Variants in SGSM1 observed in about 807,000 individuals in gnomAD.
SGSM1 encodes the protein RUN and TBC1 domain containing 2.
Under a neutral mutation model 133.8 loss-of-function variants are expected in SGSM1, and 73 were observed. The observed-to-expected ratio is 0.55, with a 90% CI of 0.45 to 0.66. SGSM1 has a LOEUF of 0.66. Among genes scored for constraint, SGSM1 ranks in the 30% least tolerant of loss-of-function variants. SGSM1 has a pLI of 0.00. For synonymous variants in SGSM1, 563 were observed against 573.0 expected (o/e 0.98, Z 0.25); for missense variants, 1,213 against 1,448.1 (o/e 0.84, Z 2.64).
rs1053827314 is a variant in SGSM1 at position 24,859,937 on chromosome 22, C to T, written c.926+97C>T. 2.6e-5 allele frequency: 39 copies of T among 1,512,550 alleles called. 1 individual carries two copies. The Admixed American group carries it at 6.8e-4, about 26-fold the overall frequency. 93.7% of individuals were successfully genotyped at this position (1,512,550 alleles called of 1,614,324 possible). A position where few individuals can be genotyped will look rare whatever the true frequency, so the allele number is the denominator to read the frequency against. On this transcript the variant is annotated intron_variant, in intron 9 of 24. Transcript: ENST00000400358. The stretch of plus-strand genomic sequence containing the variant: ...GGGGAGGGGAGGTTTGTATCCCGCC[C>T]CTGCTTCTGCCCCCTCCTCTGCCTG...
intron 18 of SGSM1, 60 bp downstream of exon 18, chr22:24,895,351 T>A: frequency 6.5e-7 from 1 of 1,541,680 alleles, no homozygotes. Flanking sequence ...CCTGGGGTCA[T>A]GGGGGTTGGG....
At chr22:24,826,520 G>T (rs898375302) in intron 2 of SGSM1, among the ~76,000 whole-genome samples, 1 of 152,138 alleles carries the variant, frequency 6.6e-6, no homozygotes, top group African/African-American at 2.4e-5. Context: ...TCCGATTATC[G>T]TCAGCATTTA....
In SGSM1 at chr22:24,858,436, G is replaced by A. The variant is rs148855508; in HGVS notation, c.802-1280G>A. Among the ~76,000 whole-genome samples the A allele has an allele frequency of 3.8e-3, 572 of 152,082 alleles. 2 individuals carry two copies. Among genetic ancestry groups the A allele is most frequent in the African/African-American group, 0.013 (532 of 41,496 alleles). ...TTGAGACTAGCCTGGCCAACATGGC[G>A]AAACCCTATCTCTACTAAAACCTTA... On this transcript the variant is annotated intron_variant, in intron 8 of 24. Coordinates refer to ENST00000400358, the MANE Select transcript of SGSM1 (RefSeq NM_001098497.3).
chr22:24,868,961 A>G, intron 12 of SGSM1, 106 bp downstream of exon 12: 1 of 1,480,338 alleles, frequency 6.8e-7, no homozygotes, highest in African/African-American at 1.4e-5. Context: ...TCTGGGGCTA[A>G]CAGGAGGATC....
At chr22:24,808,327 G>T (rs1406110757) in intron 2 of SGSM1, among the ~76,000 whole-genome samples, 1 of 152,040 alleles carries the variant, frequency 6.6e-6, no homozygotes, top group African/African-American at 2.4e-5. Flanking sequence ...ACGTTAGCCA[G>T]GATGGTCTCG....
Position 24,917,647 on chromosome 22 carries a change from T to C in SGSM1, c.2929-11T>C, listed in dbSNP as rs746249589. The C allele has an allele frequency of 1.9e-6, 3 of 1,611,046 alleles. No homozygotes were observed. In the Admixed American group the frequency reaches 5.0e-5, roughly 27 times the overall value. ...CCCAGGAGGCTGATGCTGCCTTTCC[T>C]TCCTTGACAGATCCTGGACTCAGAG... On this transcript the variant is annotated splice_polypyrimidine_tract_variant and intron_variant, in intron 22 of 24. Coordinates refer to ENST00000400358, the MANE Select transcript of SGSM1 (RefSeq NM_001098497.3).
chr22:24,814,289 C>CA (rs1927934602), intron 2 of SGSM1: 1 of 134,588 alleles, frequency 7.4e-6, no homozygotes, highest in South Asian at 2.7e-4. Context: ...CAAAACAAAA[C>CA]AAAACAAAAA....
intron 2 of SGSM1, among the ~76,000 whole-genome samples, chr22:24,819,708 G>T (rs1388841941): frequency 6.6e-6 from 1 of 152,166 alleles, no homozygotes; most frequent in Non-Finnish European, 1.5e-5. Flanking sequence ...CTTGCCCAAG[G>T]TCACACAGCT....
At chr22:24,890,831 C>T (rs1369499280) in intron 16 of SGSM1, among the ~76,000 whole-genome samples, 1 of 152,228 alleles carries the variant, frequency 6.6e-6, no homozygotes, top group Non-Finnish European at 1.5e-5. Context: ...CGTGAGCCAA[C>T]TACCCCCAGC....
At chr22:24,893,727 A>T in intron 17 of SGSM1, 114 bp downstream of exon 17, 1 of 1,184,398 alleles carries the variant, frequency 8.4e-7, no homozygotes, top group Non-Finnish European at 1.1e-6. Context: ...TGACAGTCTC[A>T]CCCCTGGCTT....
chr22:24,895,525 C>T (rs765561914), intron 18 of SGSM1, among the ~76,000 whole-genome samples: 3 of 152,148 alleles, frequency 2.0e-5, no homozygotes, highest in Admixed American at 6.5e-5. Flanking sequence ...CTGCTTTGAT[C>T]GTCCTTAATC....
intron 9 of SGSM1, among the ~76,000 whole-genome samples, chr22:24,862,843 C>G (rs1931230471): frequency 6.6e-6 from 1 of 152,112 alleles, no homozygotes; most frequent in Admixed American, 6.5e-5. Flanking sequence ...TCAGGGTTCC[C>G]TTTTTATCAA....
chr22:24,813,240 T>C lies in SGSM1; in HGVS notation c.63+6756T>C, dbSNP rs937224905. Among the ~76,000 whole-genome samples, 11 of 151,694 alleles carry C rather than the reference T, an allele frequency of 7.3e-5. 1 individual carries two copies. The highest frequency in any genetic ancestry group is 2.7e-4 in the African/African-American group (11 of 41,352). The stretch of plus-strand genomic sequence containing the variant: ...AGAGTAGAGATGAGGTTTGAGAGAG[T>C]GGGAGGCTGATTGTTCAAGACCTTG... On this transcript the variant is annotated intron_variant, in intron 2 of 24. Transcript: ENST00000400358.
At chr22:24,880,443 T>G (rs1451608526) in intron 14 of SGSM1, among the ~76,000 whole-genome samples, 1 of 152,100 alleles carries the variant, frequency 6.6e-6, no homozygotes, top group Non-Finnish European at 1.5e-5. Flanking sequence ...TCTGCCACCT[T>G]GATTTTTCAG....
At chr22:24,857,447 T>TTTTTG (rs911529397) in intron 8 of SGSM1, among the ~76,000 whole-genome samples, 11 of 151,370 alleles carry the variant, frequency 7.3e-5, no homozygotes, top group African/African-American at 1.7e-4. Flanking sequence ...ATATACAGTG[T>TTTTTG]TTTTGTTTTG....
intron 2 of SGSM1, among the ~76,000 whole-genome samples, chr22:24,840,944 G>A (rs1234498783): frequency 1.3e-5 from 2 of 152,080 alleles, no homozygotes; most frequent in African/African-American, 2.4e-5. Flanking sequence ...TCCGCCACCC[G>A]GGTTCACACC....
chr22:24,845,822 T>G (rs1418373538), intron 3 of SGSM1, among the ~76,000 whole-genome samples: 1 of 143,482 alleles, frequency 7.0e-6, no homozygotes, highest in Non-Finnish European at 1.5e-5. Flanking sequence ...TGGATCCACC[T>G]CTGCCGCTTT....
At chr22:24,818,151 C>G (rs6004299) in intron 2 of SGSM1, among the ~76,000 whole-genome samples, 126,647 of 150,538 alleles carry the variant, frequency 0.84, 53,415 homozygotes, top group East Asian at 0.95. Flanking sequence ...AGAATCGCTT[C>G]AACCCAGGAG....
At chr22:24,808,290 T>A (rs1927533984) in intron 2 of SGSM1, among the ~76,000 whole-genome samples, 1 of 152,092 alleles carries the variant, frequency 6.6e-6, no homozygotes, top group Non-Finnish European at 1.5e-5. Context: ...TTTATTTTTT[T>A]ATTTTTAGTA....
Sources: gnomAD v4.1 joint callset for allele counts (sites outside exome capture counted in the v4.1 genomes callset) on GRCh38, gnomAD v4.1.1 for gene constraint, MANE v1.5 for transcripts, NCBI Gene and HGNC (gene_info 2026-07-23, HGNC 2026-07-21) for gene names.